SNX10: variants seen among roughly 807,000 people sequenced by gnomAD.
SNX10 encodes the protein sorting nexin 10.
Under a neutral mutation model 28.5 loss-of-function variants are expected in SNX10, and 25 were observed. That is an observed-to-expected ratio of 0.88 (90% CI 0.64 to 1.22). SNX10 has a LOEUF of 1.22. Ranked by LOEUF, SNX10 falls within the 50% of genes most tolerant of loss-of-function variation. The probability of loss-of-function intolerance (pLI) is 0.00; values close to 1 mark genes in which losing one functional copy is unlikely to be tolerated. For synonymous variants in SNX10, 62 were observed against 81.4 expected (o/e 0.76, Z 1.28); for missense variants, 223 against 242.6 (o/e 0.92, Z 0.54).
At chr7:26,310,707 A>T in intron 1 of SNX10, among the ~76,000 whole-genome samples, 1 of 149,184 alleles carries the variant, frequency 6.7e-6, no homozygotes, top group East Asian at 2.0e-4. Context: ...TTTGAGACAG[A>T]GTCTCGCTCT....
Position 26,365,086 on chromosome 7 carries a change from C to T in SNX10, c.252C>T (p.Asn84=). ...TTCCATCTAAAAACCTGTTTTTCAA[C>T]ATGAACAATCGCCAGCACGTGGATC... is the stretch of plus-strand genomic sequence containing the variant. ...PELPSKNLFF[N]MNNRQHVDQR... is the part of the protein sequence containing the mutation. Residue 84 remains asparagine, a synonymous_variant, in exon 5 of 7, where the codon AAC becomes AAT. Coordinates refer to ENST00000338523, the MANE Select transcript of SNX10 (RefSeq NM_013322.3). 5.0e-6 allele frequency: 8 copies of T among 1,613,134 alleles called. No homozygotes were observed. The highest frequency in any genetic ancestry group is 6.8e-6 in the Non-Finnish European group (8 of 1,179,138).
intron 3 of SNX10, among the ~76,000 whole-genome samples, chr7:26,361,314 C>CA (rs1295948314): frequency 7.9e-5 from 12 of 152,128 alleles, no homozygotes; most frequent in African/African-American, 2.9e-4. Flanking sequence ...TGAAGATGTG[C>CA]ACGCATCTAA....
intron 1 of SNX10, among the ~76,000 whole-genome samples, chr7:26,307,886 T>C (rs1166257078): frequency 6.6e-6 from 1 of 152,096 alleles, no homozygotes; most frequent in Non-Finnish European, 1.5e-5. Context: ...CCTTCATCAG[T>C]CTTTTGATGA....
chr7:26,337,489 G>A (rs1416675620), intron 1 of SNX10, among the ~76,000 whole-genome samples: 1 of 152,086 alleles, frequency 6.6e-6, no homozygotes, highest in African/African-American at 2.4e-5. Flanking sequence ...CTAGCCCTTG[G>A]CAACCACCAT....
intron 1 of SNX10, among the ~76,000 whole-genome samples, chr7:26,329,208 T>C (rs990150809): frequency 7.2e-5 from 11 of 152,194 alleles, no homozygotes; most frequent in African/African-American, 2.4e-4. Context: ...TCTGAGATCC[T>C]CTCCCTCATC....
chr7:26,292,690 G>A (rs1342240789), intron 1 of SNX10, among the ~76,000 whole-genome samples: 2 of 152,144 alleles, frequency 1.3e-5, no homozygotes, highest in Non-Finnish European at 2.9e-5. Flanking sequence ...GGATCGTCAC[G>A]GAATGGGGAG....
chr7:26,372,464 T>G, intron 6 of SNX10, 27 bp from the exon 7 acceptor site: 1 of 1,469,508 alleles, frequency 6.8e-7, no homozygotes, highest in South Asian at 1.1e-5. Context: ...CCTCTTTTTA[T>G]TATTTTCCCC....
At chr7:26,311,825 T>C (rs1786863802) in intron 1 of SNX10, among the ~76,000 whole-genome samples, 1 of 149,262 alleles carries the variant, frequency 6.7e-6, no homozygotes, top group Non-Finnish European at 1.5e-5. Flanking sequence ...TATTTTGAAA[T>C]TGTATGAACA....
intron 1 of SNX10, among the ~76,000 whole-genome samples, chr7:26,336,140 ACTG>A (rs1787937521): frequency 6.6e-6 from 1 of 152,258 alleles, no homozygotes; most frequent in African/African-American, 2.4e-5. Flanking sequence ...AATTAACTTG[ACTG>A]CTGTTTGTTT....
At chr7:26,352,926 A>G (rs1294757622) in intron 2 of SNX10, among the ~76,000 whole-genome samples, 1 of 151,900 alleles carries the variant, frequency 6.6e-6, no homozygotes, top group Non-Finnish European at 1.5e-5. Context: ...AGGTTTTCAC[A>G]TTCTAGATTT....
chr7:26,366,214 G>C (rs1299867677), intron 5 of SNX10, among the ~76,000 whole-genome samples: 1 of 152,148 alleles, frequency 6.6e-6, no homozygotes, highest in Non-Finnish European at 1.5e-5. Context: ...TAGGACCTTA[G>C]AGCTAGCCTG....
chr7:26,317,047 C>G (rs763608191), intron 1 of SNX10, among the ~76,000 whole-genome samples: 2 of 152,146 alleles, frequency 1.3e-5, no homozygotes, highest in Non-Finnish European at 2.9e-5. Context: ...GCTAAATAAA[C>G]AAGAATAGTG....
chr7:26,305,013 T>G (rs1786529922), intron 1 of SNX10, among the ~76,000 whole-genome samples: 1 of 152,166 alleles, frequency 6.6e-6, no homozygotes. Flanking sequence ...GGAGGCCTCA[T>G]GTGCTTTCTT....
chr7:26,351,646 G>GTTTTTTTTTTTTTT (rs982361856), intron 2 of SNX10, among the ~76,000 whole-genome samples: 13 of 112,622 alleles, frequency 1.2e-4, no homozygotes, highest in Admixed American at 2.1e-4. Context: ...AAGCAGTCTG[G>GTTTTTTTTTTTTTT]TTTTTTTTTT....
chr7:26,293,405 A>G (rs1185927725), intron 1 of SNX10, among the ~76,000 whole-genome samples: 4 of 151,860 alleles, frequency 2.6e-5, no homozygotes, highest in Non-Finnish European at 4.4e-5. Flanking sequence ...GGGTTTTGCC[A>G]TGTTGCCCCA....
chr7:26,366,490 G>T (rs554519961), intron 5 of SNX10, among the ~76,000 whole-genome samples: 1 of 152,152 alleles, frequency 6.6e-6, no homozygotes, highest in South Asian at 2.1e-4. Context: ...TTGTATTTTT[G>T]GGGGGTATCA....
At chr7:26,346,630 T>A (rs929721123) in intron 2 of SNX10, among the ~76,000 whole-genome samples, 164 bp downstream of exon 2, 6 of 152,194 alleles carry the variant, frequency 3.9e-5, no homozygotes, top group African/African-American at 1.2e-4. Flanking sequence ...CATTGGTGCC[T>A]GCATAGCCTT....
At chr7:26,323,356 C>T (rs745575607) in intron 1 of SNX10, among the ~76,000 whole-genome samples, 15 of 152,090 alleles carry the variant, frequency 9.9e-5, no homozygotes, top group Non-Finnish European at 2.2e-4. Flanking sequence ...ACTTTGGAAA[C>T]ATGAGCTGAG....
In SNX10 at chr7:26,357,106, G is replaced by A. The variant is rs779269126; in HGVS notation, c.25-3869G>A. 128 of 1,112,840 alleles carry A rather than the reference G, an allele frequency of 1.2e-4. No homozygotes were observed. The highest frequency in any genetic ancestry group is 2.4e-4 in the Middle Eastern group (1 of 4,126). 68.9% of individuals were successfully genotyped at this position (1,112,840 alleles called of 1,614,324 possible). On this transcript the variant is annotated intron_variant, in intron 2 of 6. Coordinates refer to ENST00000338523, the MANE Select transcript of SNX10 (RefSeq NM_013322.3). ...CTAAGCTGCCCTACAGGAGCTTAGC[G>A]TCTGCTAGAGGAGGCCTACAGGTAA...
Sources: gnomAD v4.1 joint callset for allele counts (sites outside exome capture counted in the v4.1 genomes callset) on GRCh38, gnomAD v4.1.1 for gene constraint, MANE v1.5 for transcripts, NCBI Gene and HGNC (gene_info 2026-07-23, HGNC 2026-07-21) for gene names.